DLGAP2: variants seen among roughly 807,000 people sequenced by gnomAD.
DLGAP2 encodes DLG associated protein 2.
In DLGAP2, 26 loss-of-function variants were observed where a neutral mutation model predicts 100.3. That is an observed-to-expected ratio of 0.26 (90% confidence interval 0.19 to 0.36). The LOEUF (loss-of-function observed/expected upper bound fraction) is 0.36, where lower values mean the gene tolerates loss of function less well. Ranked by LOEUF, DLGAP2 falls within the 10% of genes least tolerant of loss-of-function variation. DLGAP2 has a pLI of 1.00. For synonymous variants in DLGAP2, 886 were observed against 630.1 expected (o/e 1.41, Z -6.08); for missense variants, 1,858 against 1,453.2 (o/e 1.28, Z -4.53).
intron 2 of DLGAP2, among the ~76,000 whole-genome samples, chr8:1,072,534 G>A (rs554171310): frequency 2.0e-5 from 3 of 152,202 alleles, no homozygotes; most frequent in East Asian, 1.9e-4. Flanking sequence ...GTTTCTCCCC[G>A]CGGTAGTGCA....
chr8:977,641 C>T (rs1800200650), intron 2 of DLGAP2, among the ~76,000 whole-genome samples: 1 of 152,204 alleles, frequency 6.6e-6, no homozygotes, highest in African/African-American at 2.4e-5. Context: ...TAAAACTGTC[C>T]TTCTTTGTGA....
At chr8:1,509,807 A>G (rs992426263) in intron 4 of DLGAP2, among the ~76,000 whole-genome samples, 2 of 152,186 alleles carry the variant, frequency 1.3e-5, no homozygotes, top group Admixed American at 1.3e-4. Context: ...CAAGTGTTCA[A>G]TGTCAGTTTT....
At chr8:1,164,212 C>CCAT (rs1796958990) in intron 2 of DLGAP2, among the ~76,000 whole-genome samples, 3 of 140,076 alleles carry the variant, frequency 2.1e-5, no homozygotes, top group East Asian at 2.1e-4. Flanking sequence ...CCCCCAGGGC[C>CCAT]CGTCATTTTG....
In DLGAP2 at chr8:1,417,030, T is replaced by C. The variant is rs555620707; in HGVS notation, c.107-84336T>C. Among the ~76,000 whole-genome samples the C allele has an allele frequency of 4.1e-3, 337 of 81,888 alleles. 3 individuals are homozygous for C. The highest frequency in any genetic ancestry group is 0.02 in the African/African-American group (323 of 16,452). 53.7% of individuals were successfully genotyped at this position (81,888 alleles called of 152,430 possible). Reference sequence around the variant, plus strand: ...TCCCCGTCACTCCTCCGAGCAGCCGTCAGCGGTCCCGCCCCACACTGTCCC... The same window carrying C: ...TCCCCGTCACTCCTCCGAGCAGCCGCCAGCGGTCCCGCCCCACACTGTCCC... On this transcript the variant is annotated intron_variant, in intron 3 of 14. Coordinates refer to ENST00000637795, the MANE Select transcript of DLGAP2 (RefSeq NM_001346810.2).
chr8:887,417 G>T (rs936661680), intron 1 of DLGAP2, among the ~76,000 whole-genome samples: 4 of 152,168 alleles, frequency 2.6e-5, no homozygotes, highest in African/African-American at 9.7e-5. Flanking sequence ...CTGTCATCAT[G>T]ATACTATTTG....
At chr8:1,192,898 C>T (rs1374739113) in intron 2 of DLGAP2, among the ~76,000 whole-genome samples, 2 of 151,942 alleles carry the variant, frequency 1.3e-5, no homozygotes, top group African/African-American at 2.4e-5. Flanking sequence ...GTTCACTTCC[C>T]ACCTATGAGT....
chr8:1,229,773 C>T (rs556831803), intron 2 of DLGAP2, among the ~76,000 whole-genome samples: 1 of 152,294 alleles, frequency 6.6e-6, no homozygotes, highest in South Asian at 2.1e-4. Flanking sequence ...AAAAACCATA[C>T]GTTCATCTGA....
chr8:1,567,872 A>G (rs774837201), intron 6 of DLGAP2, among the ~76,000 whole-genome samples: 1 of 152,208 alleles, frequency 6.6e-6, no homozygotes, highest in Non-Finnish European at 1.5e-5. Context: ...CTGGGAGTTC[A>G]CTCACCAACA....
intron 2 of DLGAP2, among the ~76,000 whole-genome samples, chr8:1,232,742 C>G (rs892785077): frequency 1.3e-5 from 2 of 152,216 alleles, no homozygotes; most frequent in Admixed American, 1.3e-4. Context: ...AGGCCACTCA[C>G]TCATTCACAC....
At chr8:1,005,069 A>C (rs1801067490) in intron 2 of DLGAP2, among the ~76,000 whole-genome samples, 1 of 152,196 alleles carries the variant, frequency 6.6e-6, no homozygotes, top group African/African-American at 2.4e-5. Flanking sequence ...TCTGTCTTCC[A>C]CTGCCCTTGT....
intron 8 of DLGAP2, among the ~76,000 whole-genome samples, chr8:1,648,669 C>T (rs73671284): frequency 0.011 from 1,745 of 152,288 alleles, 38 homozygotes; most frequent in African/African-American, 0.039. Flanking sequence ...CCGTGTTCTG[C>T]AGCTGCTCAG....
In DLGAP2 at chr8:1,258,855, G is replaced by C; in HGVS notation, c.78G>C (p.Ser26=). The C allele has an allele frequency of 8.1e-7, 1 of 1,231,706 alleles. No individual in the cohort carries two copies. The highest frequency in any genetic ancestry group is 1.0e-6 in the Non-Finnish European group (1 of 987,976). 76.3% of individuals were successfully genotyped at this position (1,231,706 alleles called of 1,614,324 possible). ...TCTCTCTGTCTCTGTTTTCAGAGTCGCAGTGCACGCTCTGCGGGGAGCCGG... is the reference window on the plus strand; with the variant it reads ...TCTCTCTGTCTCTGTTTTCAGAGTCCCAGTGCACGCTCTGCGGGGAGCCGG... The part of the protein sequence containing the change: ...CCILPDRNTE[S]QCTLCGEPEE... The change falls in exon 3 of 15, where the codon TCG becomes TCC. Residue 26 remains serine (S), a synonymous_variant. Coordinates refer to ENST00000637795, the MANE Select transcript of DLGAP2 (RefSeq NM_001346810.2).
intron 2 of DLGAP2, among the ~76,000 whole-genome samples, chr8:998,818 C>T (rs925242304): frequency 6.6e-6 from 1 of 152,166 alleles, no homozygotes; most frequent in Non-Finnish European, 1.5e-5. Flanking sequence ...GTCCTCATAA[C>T]AGCAGTCTTT....
At chr8:1,028,396 G>A (rs1437446305) in intron 2 of DLGAP2, among the ~76,000 whole-genome samples, 3 of 143,090 alleles carry the variant, frequency 2.1e-5, no homozygotes, top group East Asian at 2.3e-4. Context: ...TCTCCAGGTC[G>A]GGTGTCAGGC....
intron 4 of DLGAP2, among the ~76,000 whole-genome samples, chr8:1,539,908 C>A (rs1464390642): frequency 6.6e-5 from 10 of 152,130 alleles, no homozygotes; most frequent in Non-Finnish European, 1.3e-4. Context: ...CCATCCTCAA[C>A]AGCCAGGGAG....
At chr8:1,435,206 G>T (rs1797580975) in intron 3 of DLGAP2, among the ~76,000 whole-genome samples, 1 of 152,210 alleles carries the variant, frequency 6.6e-6, no homozygotes. Flanking sequence ...TGTGTGACTT[G>T]AGCAGCTTTT....
At chr8:951,925 T>G (rs1353055249) in intron 2 of DLGAP2, among the ~76,000 whole-genome samples, 1 of 152,216 alleles carries the variant, frequency 6.6e-6, no homozygotes, top group Non-Finnish European at 1.5e-5. Context: ...CAAAGTAACT[T>G]GAAGAGTAAG....
chr8:744,496 C>T (rs759534961), intron 1 of DLGAP2, among the ~76,000 whole-genome samples: 2 of 152,072 alleles, frequency 1.3e-5, no homozygotes, highest in Non-Finnish European at 2.9e-5. Context: ...CCGGCCACGT[C>T]GCCCTCCCGG....
intron 2 of DLGAP2, among the ~76,000 whole-genome samples, chr8:1,190,650 G>A (rs1258620321): frequency 6.6e-6 from 1 of 152,158 alleles, no homozygotes; most frequent in Non-Finnish European, 1.5e-5. Flanking sequence ...GTGTGTGGTT[G>A]GCTGGGAGGC....
Sources: gnomAD v4.1 joint callset for allele counts (sites outside exome capture counted in the v4.1 genomes callset) on GRCh38, gnomAD v4.1.1 for gene constraint, MANE v1.5 for transcripts, NCBI Gene and HGNC (gene_info 2026-07-23, HGNC 2026-07-21) for gene names.